NENF: variants seen among roughly 807,000 people sequenced by gnomAD.
NENF encodes neudesin neurotrophic factor.
In NENF, 6 loss-of-function variants were observed where a neutral mutation model predicts 14.8. That is an observed-to-expected ratio of 0.40 (90% CI 0.22 to 0.80). The LOEUF (loss-of-function observed/expected upper bound fraction) is 0.80. Ranked by LOEUF, NENF falls within the 30% of genes least tolerant of loss-of-function variation. NENF has a pLI of 0.34. For synonymous variants in NENF, 76 were observed against 95.1 expected (o/e 0.80, Z 1.17); for missense variants, 184 against 212.7 (o/e 0.87, Z 0.84).
At position 212,433,562 on chromosome 1, in the gene NENF, T is replaced by G. The variant is rs866873914; in HGVS notation, c.177+442T>G. ...GTGGGAATTGAGACAGGTCCTGGGA[T>G]AAGCCAGTCTTTGCCTGCACTTCCT... On this transcript the variant is annotated intron_variant, in intron 1 of 3. Coordinates refer to ENST00000366988, the MANE Select transcript of NENF (RefSeq NM_013349.5). The surrounding 1 kb of genome is among the most constrained non-coding windows in gnomAD (Gnocchi z 5.5). 2.6e-5 allele frequency among the ~76,000 whole-genome samples: 4 copies of G among 152,054 alleles called. No homozygotes were observed. Among genetic ancestry groups the G allele is most frequent in the South Asian group, 4.2e-4 (2 of 4,814 alleles).
intron 3 of NENF, 102 bp from the exon 4 acceptor site, chr1:212,445,728 G>T: frequency 3.1e-6 from 3 of 960,906 alleles, no homozygotes; most frequent in African/African-American, 1.9e-5. Context: ...CTTTTCTCTT[G>T]CATTAGGGAT....
rs1228345389 is a variant in NENF at position 212,442,635 on chromosome 1, G to A, written c.238+10G>A. 4 of 1,609,762 alleles carry A rather than the reference G, an allele frequency of 2.5e-6. No individual in the cohort carries two copies. The highest frequency in any genetic ancestry group is 1.1e-5 in the South Asian group (1 of 91,008). On this transcript the variant is annotated intron_variant, in intron 2 of 3. Coordinates refer to ENST00000366988, the MANE Select transcript of NENF (RefSeq NM_013349.5). ...GTCACCTCCGGAAAGGGTAAGTGGT[G>A]TGGCATTTTGAATCTTCATTTCCAG... is the stretch of plus-strand genomic sequence containing the variant.
chr1:212,445,772 T>G, intron 3 of NENF, 58 bp from the exon 4 acceptor site: 1 of 1,578,182 alleles, frequency 6.3e-7, no homozygotes, highest in Non-Finnish European at 8.7e-7. Context: ...GAAAGGCCAG[T>G]GCCAAACACT....
In NENF at chr1:212,446,088, T is replaced by C. The variant is rs1571706721; in HGVS notation, c.*82T>C. 1 of 1,441,318 alleles carries C rather than the reference T, an allele frequency of 6.9e-7. No individual in the cohort carries two copies. The highest frequency in any genetic ancestry group is 2.3e-5 in the East Asian group (1 of 43,888). The allele number at this position is 1,441,318 out of a possible 1,614,324, so 89.3% of individuals were successfully genotyped here. On this transcript the variant is annotated 3_prime_UTR_variant, in exon 4 of 4. Transcript: ENST00000366988. ...TGAATCTCCTGCAAAACTGGCTGCC[T>C]GGAGGCCCTGAGCCACCCAGATCTG...
intron 1 of NENF, among the ~76,000 whole-genome samples, chr1:212,440,482 C>T (rs1333069688): frequency 1.3e-5 from 2 of 152,072 alleles, no homozygotes; most frequent in African/African-American, 4.8e-5. Flanking sequence ...GAAATCCAGG[C>T]CGTTTCAAAT....
intron 1 of NENF, among the ~76,000 whole-genome samples, chr1:212,438,596 G>A (rs1662645004): frequency 6.7e-6 from 1 of 148,356 alleles, no homozygotes; most frequent in African/African-American, 2.5e-5. Context: ...ATTTTGTTTT[G>A]TTTTGCGTGT....
chr1:212,443,517 T>C (rs1354467989), intron 2 of NENF, among the ~76,000 whole-genome samples: 2 of 152,022 alleles, frequency 1.3e-5, no homozygotes, highest in African/African-American at 4.8e-5. Context: ...CTCAGCCTCC[T>C]GAGTAACTGG....
rs191134974 is a variant in NENF, at chr1:212,434,469, C to A, written c.177+1349C>A. 8.5e-5 allele frequency among the ~76,000 whole-genome samples: 13 copies of A among 152,250 alleles called. No homozygotes were observed. The East Asian group carries it at 2.1e-3, about 25-fold the overall frequency. ...GCAGAGGGTGCCCCATGTGACCAGCCCCCAGTGAAAACCTTGGGTGCTGAG... is the reference window on the plus strand; with the variant it reads ...GCAGAGGGTGCCCCATGTGACCAGCACCCAGTGAAAACCTTGGGTGCTGAG... On this transcript the variant is annotated intron_variant, in intron 1 of 3. Coordinates refer to ENST00000366988, the MANE Select transcript of NENF (RefSeq NM_013349.5).
intron 1 of NENF, among the ~76,000 whole-genome samples, chr1:212,440,675 C>T (rs1662687124): frequency 6.6e-6 from 1 of 152,182 alleles, no homozygotes; most frequent in Admixed American, 6.5e-5. Flanking sequence ...GCGTTACCCT[C>T]ATATGACAGG....
chr1:212,438,063 A>AGTAAGG (rs1429204934), intron 1 of NENF, among the ~76,000 whole-genome samples: 1 of 152,182 alleles, frequency 6.6e-6, no homozygotes, highest in African/African-American at 2.4e-5. Flanking sequence ...CAGTAATTCT[A>AGTAAGG]GTAAGGGTTG....
At chr1:212,440,491 A>G (rs1309940270) in intron 1 of NENF, among the ~76,000 whole-genome samples, 1 of 152,174 alleles carries the variant, frequency 6.6e-6, no homozygotes, top group Non-Finnish European at 1.5e-5. Flanking sequence ...GCCGTTTCAA[A>G]TGACCCGTGT....
At chr1:212,434,986 CGA>C (rs1662581240) in intron 1 of NENF, 1 of 152,408 alleles carries the variant, frequency 6.6e-6, no homozygotes, top group African/African-American at 2.4e-5. Flanking sequence ...GAGCGAGGGA[CGA>C]GAGAGGCAGT....
chr1:212,445,762 G>A, intron 3 of NENF, 68 bp from the exon 4 acceptor site: 1 of 1,534,396 alleles, frequency 6.5e-7, no homozygotes, highest in Non-Finnish European at 8.9e-7. Context: ...CAGGGATGGA[G>A]AAAGGCCAGT....
At chr1:212,444,517 T>TGGTG in intron 3 of NENF, 75 bp downstream of exon 3, 1 of 842,460 alleles carries the variant, frequency 1.2e-6, no homozygotes, top group Non-Finnish European at 1.8e-6. Flanking sequence ...CTTTTTCTTT[T>TGGTG]CGTGTGTGTG....
intron 2 of NENF, among the ~76,000 whole-genome samples, chr1:212,443,434 C>CT (rs1157477636): frequency 2.6e-5 from 4 of 151,976 alleles, no homozygotes; most frequent in Non-Finnish European, 4.4e-5. Flanking sequence ...TGGAGACAGT[C>CT]TCGCTCTGTC....
chr1:212,439,488 G>A (rs994913033), intron 1 of NENF, among the ~76,000 whole-genome samples: 2 of 151,678 alleles, frequency 1.3e-5, no homozygotes, highest in Non-Finnish European at 2.9e-5. Flanking sequence ...GTTGCGATGA[G>A]CCAAGATCAT....
intron 1 of NENF, among the ~76,000 whole-genome samples, chr1:212,440,896 C>T (rs1480557016): frequency 6.6e-6 from 1 of 152,150 alleles, no homozygotes; most frequent in Admixed American, 6.5e-5. Flanking sequence ...TTCCTATGGA[C>T]CCAGCAGCGA....
At chr1:212,435,750 G>A (rs887643552) in intron 1 of NENF, among the ~76,000 whole-genome samples, 8 of 151,434 alleles carry the variant, frequency 5.3e-5, no homozygotes, top group Admixed American at 5.3e-4. Flanking sequence ...TTCCTGTGTT[G>A]CCCAGGCTGG....
rs1002624442 is a variant in NENF, at chr1:212,433,403, T to C, written c.177+283T>C. On this transcript the variant is annotated intron_variant, in intron 1 of 3. Coordinates refer to ENST00000366988, the MANE Select transcript of NENF (RefSeq NM_013349.5). This position sits in a 1 kb window ranked among gnomAD's most constrained non-coding sequence, Gnocchi z 5.5. ...GATTTCCCCTCTAGCCGCCTTTTCG[T>C]TGATGATCTGCGTACAGACCTCAGA... Among the ~76,000 whole-genome samples, 6 of 152,136 alleles carry C rather than the reference T, an allele frequency of 3.9e-5. No homozygotes were observed. Among genetic ancestry groups the C allele is most frequent in the African/African-American group, 1.4e-4 (6 of 41,436 alleles).
Sources: gnomAD v4.1 joint callset for allele counts (sites outside exome capture counted in the v4.1 genomes callset) on GRCh38, gnomAD v4.1.1 for gene constraint, Gnocchi (gnomAD v3.1) non-coding constraint, MANE v1.5 for transcripts, NCBI Gene and HGNC (gene_info 2026-07-23, HGNC 2026-07-21) for gene names.